The following SIM1 variants were observed in gnomAD, a reference collection of about 807,000 sequenced individuals.
SIM1 encodes single-minded homolog 1.
SIM1 carries 18 observed loss-of-function variants against 78.2 expected under a neutral mutation model. That is an observed-to-expected ratio of 0.23 (90% CI 0.16 to 0.34). The LOEUF (loss-of-function observed/expected upper bound fraction) is 0.34. SIM1 is among the 10% of genes least tolerant of loss of function. SIM1 has a pLI of 1.00. For synonymous variants in SIM1, 417 were observed against 385.2 expected (o/e 1.08, Z -0.97); for missense variants, 939 against 975.1 (o/e 0.96, Z 0.49).
intron 8 of SIM1, 55 bp downstream of exon 8, chr6:100,448,091 C>T (rs555093861): frequency 7.0e-7 from 1 of 1,432,772 alleles, no homozygotes. Context: ...TCCCCCACCC[C>T]CTAACCAGCG....
intron 8 of SIM1, 73 bp from the exon 9 acceptor site, chr6:100,447,488 G>A: frequency 6.4e-7 from 1 of 1,570,040 alleles, no homozygotes; most frequent in Non-Finnish European, 8.7e-7. Context: ...AATCCCTGGT[G>A]GTAAGAATTG....
intron 10 of SIM1, among the ~76,000 whole-genome samples, chr6:100,403,181 G>C (rs879297056): frequency 1.3e-5 from 2 of 152,166 alleles, no homozygotes; most frequent in African/African-American, 4.8e-5. Flanking sequence ...ATTAAAATAT[G>C]AGTCAGATGA....
In SIM1 at chr6:100,390,098, T is replaced by C; in HGVS notation, c.*263A>G. 1.9e-6 allele frequency: 1 copy of C among 513,802 alleles called. No homozygotes were observed. The highest frequency in any genetic ancestry group is 3.4e-6 in the Non-Finnish European group (1 of 291,756). 31.8% of individuals were successfully genotyped at this position (513,802 alleles called of 1,614,324 possible). On this transcript the variant is annotated 3_prime_UTR_variant, in exon 12 of 12. Coordinates refer to ENST00000369208, the MANE Select transcript of SIM1 (RefSeq NM_005068.3). ...TATATGCACACTTGATCTACATGAA[T>C]ATTTTTCAAGTCAAAATTTATCTAT...
At chr6:100,391,341 G>T (rs1334129130) in intron 11 of SIM1, among the ~76,000 whole-genome samples, 14 of 152,162 alleles carry the variant, frequency 9.2e-5, no homozygotes, top group Admixed American at 9.2e-4. Context: ...TTTCTTAGAA[G>T]ATAAACCTTG....
chr6:100,411,905 G>A (rs68182921), intron 10 of SIM1, among the ~76,000 whole-genome samples: 16,786 of 152,156 alleles, frequency 0.11, 978 homozygotes, highest in Middle Eastern at 0.18. Context: ...AAGCACAAGC[G>A]TGGGGGCAGA....
At chr6:100,399,609 G>T (rs2114472628) in intron 10 of SIM1, among the ~76,000 whole-genome samples, 1 of 152,124 alleles carries the variant, frequency 6.6e-6, no homozygotes, top group Non-Finnish European at 1.5e-5. Context: ...GAGTAAATGG[G>T]CACTTTCTGT....
At chr6:100,443,332 T>C (rs1269348043) in intron 9 of SIM1, among the ~76,000 whole-genome samples, 1 of 152,050 alleles carries the variant, frequency 6.6e-6, no homozygotes, top group African/African-American at 2.4e-5. Context: ...ACTTAGAAAA[T>C]AAATAAGCAG....
chr6:100,390,393 C>T lies in SIM1; in HGVS notation c.2269G>A (p.Gly757Arg). 2.5e-6 allele frequency: 4 copies of T among 1,613,914 alleles called. No homozygotes were observed. Among genetic ancestry groups the T allele is most frequent in the Non-Finnish European group, 3.4e-6 (4 of 1,179,936 alleles). ...CCGTTGGTTATTATAACAGATGTTC[C>T]CTTGTGTCCTTGTGCTGGGTCTGGT... ...MQPDPAQGHK[G>R]TSVIITNGS Residue 757 changes from glycine to arginine, a missense_variant, in exon 12 of 12, where the codon GGA (glycine) becomes AGA (arginine). By Grantham distance (125) the Gly-to-Arg change is moderately radical. Transcript: ENST00000369208.
At chr6:100,443,532 G>C (rs927861127) in intron 9 of SIM1, among the ~76,000 whole-genome samples, 1 of 152,122 alleles carries the variant, frequency 6.6e-6, no homozygotes. Flanking sequence ...TCTATCCTAC[G>C]AAAGTCTCCT....
At chr6:100,417,984 T>C (rs1229564646) in intron 10 of SIM1, among the ~76,000 whole-genome samples, 1 of 152,186 alleles carries the variant, frequency 6.6e-6, no homozygotes, top group Non-Finnish European at 1.5e-5. Context: ...CAATAACAAA[T>C]ACACAAACTT....
chr6:100,458,467 C>G (rs527501546), intron 2 of SIM1, among the ~76,000 whole-genome samples: 165 of 152,334 alleles, frequency 1.1e-3, no homozygotes, highest in African/African-American at 3.6e-3. Context: ...GGATCTGGAC[C>G]TAAGGTTTAG....
intron 10 of SIM1, among the ~76,000 whole-genome samples, chr6:100,409,233 G>A (rs1175909770): frequency 6.6e-6 from 1 of 152,094 alleles, no homozygotes; most frequent in African/African-American, 2.4e-5. Context: ...TAGGTATGAT[G>A]TGTTCAGATT....
At chr6:100,457,557 G>A (rs1335028338) in intron 2 of SIM1, among the ~76,000 whole-genome samples, 2 of 152,224 alleles carry the variant, frequency 1.3e-5, no homozygotes, top group Non-Finnish European at 2.9e-5. Context: ...TGTGTACTGT[G>A]CAAGTCTTCC....
intron 10 of SIM1, among the ~76,000 whole-genome samples, chr6:100,402,160 C>G (rs899127207): frequency 2.0e-5 from 3 of 152,190 alleles, no homozygotes; most frequent in Non-Finnish European, 4.4e-5. Context: ...TGATTAATCA[C>G]TTTCACTTAG....
At chr6:100,425,966 T>A (rs1771716603) in intron 9 of SIM1, among the ~76,000 whole-genome samples, 2 of 152,238 alleles carry the variant, frequency 1.3e-5, no homozygotes, top group African/African-American at 2.4e-5. Context: ...AAAGTTTTCT[T>A]GAAAAGTGCC....
At chr6:100,397,855 T>A (rs550242643) in intron 10 of SIM1, among the ~76,000 whole-genome samples, 2 of 152,220 alleles carry the variant, frequency 1.3e-5, no homozygotes, top group East Asian at 3.9e-4. Context: ...GGGTGAAAGA[T>A]ATGAAGTGGC....
Position 100,449,345 on chromosome 6 carries a change from G to T in SIM1, c.543+18C>A. On this transcript the variant is annotated intron_variant, in intron 6 of 11. Transcript: ENST00000369208. ...GCCTCCTCTGACTCCACCCGGAGCG[G>T]ATCTTCCAGCTACGCACCTTGTAGC... The T allele has an allele frequency of 6.2e-7, 1 of 1,604,836 alleles. No homozygotes were observed. Among genetic ancestry groups the T allele is most frequent in the Non-Finnish European group, 8.5e-7 (1 of 1,172,186 alleles).
chr6:100,425,118 T>G (rs1285138103), intron 9 of SIM1, among the ~76,000 whole-genome samples: 1 of 152,172 alleles, frequency 6.6e-6, no homozygotes, highest in Non-Finnish European at 1.5e-5. Context: ...TCATGAGATC[T>G]GATGGGTTGA....
At chr6:100,463,013 T>TTGTCA in intron 2 of SIM1, 1 of 355,168 alleles carries the variant, frequency 2.8e-6, no homozygotes, top group Non-Finnish European at 5.1e-6. Flanking sequence ...TTGAGCCTAG[T>TTGTCA]ATCTGAAGTG....
Sources: gnomAD v4.1 joint callset for allele counts (sites outside exome capture counted in the v4.1 genomes callset) on GRCh38, gnomAD v4.1.1 for gene constraint, MANE v1.5 for transcripts, NCBI Gene and HGNC (gene_info 2026-07-23, HGNC 2026-07-21) for gene names.